Variants in MRPS23 observed in about 807,000 individuals in gnomAD.
MRPS23 encodes the protein mitochondrial ribosomal protein S23.
A neutral mutation model predicts 19.8 loss-of-function variants in MRPS23; 14 were observed. That is an observed-to-expected ratio of 0.71 (90% confidence interval 0.47 to 1.11). The LOEUF (loss-of-function observed/expected upper bound fraction) is 1.11. MRPS23 is among the 50% of genes least tolerant of loss of function. The pLI is 0.00. For missense variants in MRPS23, 242 were observed against 236.7 expected (o/e 1.02, Z -0.15); for synonymous variants, 113 against 89.7 (o/e 1.26, Z -1.47).
At chr17:57,843,375 C>T (rs530153219) in intron 2 of MRPS23, among the ~76,000 whole-genome samples, 1 of 152,146 alleles carries the variant, frequency 6.6e-6, no homozygotes, top group South Asian at 2.1e-4. Context: ...TTTTAATTTG[C>T]TTTTCTTTTT....
intron 4 of MRPS23, 138 bp from the exon 5 acceptor site, chr17:57,840,073 C>T (rs2073731307): frequency 2.9e-6 from 3 of 1,023,396 alleles, no homozygotes; most frequent in Non-Finnish European, 4.3e-6. Flanking sequence ...TCTACTATAA[C>T]AAATAGTAAA....
At position 57,839,665 on chromosome 17, in the gene MRPS23, G is replaced by A; in HGVS notation, c.*118C>T. The A allele has an allele frequency of 7.8e-7, 1 of 1,282,772 alleles. No individual in the cohort carries two copies. Among genetic ancestry groups the A allele is most frequent in the Non-Finnish European group, 1.1e-6 (1 of 952,142 alleles). The allele number at this position is 1,282,772 out of a possible 1,614,324, so 79.5% of individuals were successfully genotyped here. A position where few individuals can be genotyped will look rare whatever the true frequency, so the allele number is the denominator to read the frequency against. Reference sequence around the variant, plus strand: ...GACAACCCAGAAATAACTAAGAGAAGGCAAACATAATACCTTAGAGATCAA... The same window carrying A: ...GACAACCCAGAAATAACTAAGAGAAAGCAAACATAATACCTTAGAGATCAA... On this transcript the variant is annotated 3_prime_UTR_variant, in exon 5 of 5. Coordinates refer to ENST00000313608, the MANE Select transcript of MRPS23 (RefSeq NM_016070.4).
At position 57,836,401 on chromosome 17, in the gene MRPS23, T is replaced by A. The variant is rs569230943; in HGVS notation, c.*3382A>T. On this transcript the variant is annotated 3_prime_UTR_variant, in exon 5 of 5. Transcript: ENST00000313608. Reference sequence around the variant, plus strand: ...GGGTTCAGTAAGGGACTTGATATTATGTATTTTCCGAGCACAGACAGCATT... The same window carrying A: ...GGGTTCAGTAAGGGACTTGATATTAAGTATTTTCCGAGCACAGACAGCATT... 32 of 152,316 alleles carry A rather than the reference T, an allele frequency of 2.1e-4. 1 individual carries two copies. The highest frequency in any genetic ancestry group is 2.0e-3 in the Admixed American group (30 of 15,294). The allele number at this position is 152,316 out of a possible 1,614,324, so 9.4% of individuals were successfully genotyped here.
chr17:57,839,848 C>T lies in MRPS23; in HGVS notation c.508G>A (p.Glu170Lys). 1 of 1,614,150 alleles carries T rather than the reference C, an allele frequency of 6.2e-7. No individual in the cohort carries two copies. Residue 170 changes from glutamate (E) to lysine (K), a missense_variant, in exon 5 of 5, where the codon GAA (glutamate) becomes AAA (lysine). By Grantham distance (56) the Glu-to-Lys change is moderately conservative. Coordinates refer to ENST00000313608, the MANE Select transcript of MRPS23 (RefSeq NM_016070.4). ...TCCAAATGCTGGTCCTGTGGAACTT[C>T]TTTCTGAGTCTCGTTTTCTTCCAAC... ...TALEENETQKEVPQDQHLEAP... is the reference protein window; with the variant it reads ...TALEENETQKKVPQDQHLEAP...
chr17:57,845,707 T>C (rs2073768583), intron 2 of MRPS23, among the ~76,000 whole-genome samples: 1 of 152,200 alleles, frequency 6.6e-6, no homozygotes, highest in South Asian at 2.1e-4. Flanking sequence ...AAAATTCTGA[T>C]GGCCATTCTC....
chr17:57,849,325 G>A lies in MRPS23; in HGVS notation c.130C>T (p.Pro44Ser), dbSNP rs760979783. 1.2e-6 allele frequency: 2 copies of A among 1,614,214 alleles called. No homozygotes were observed. The highest frequency in any genetic ancestry group is 1.1e-5 in the South Asian group (1 of 91,080). The change falls in exon 2 of 5, where the codon CCC (proline) becomes TCC (serine). Residue 44 changes from proline (P) to serine (S), a missense_variant. Coordinates refer to ENST00000313608, the MANE Select transcript of MRPS23 (RefSeq NM_016070.4). ...VYDAFPPLRE[P>S]VFQRPRVRYG... ...CGCACTCGAGGCCTTTGGAAGACGG[G>A]CTCCCTCAGCGGGGGAAAGGCGTCA...
rs1023435720 is a variant in MRPS23 at position 57,836,310 on chromosome 17, A to G, written c.*3473T>C. 1 of 152,368 alleles carries G rather than the reference A, an allele frequency of 6.6e-6. No homozygotes were observed. The highest frequency in any genetic ancestry group is 2.4e-5 in the African/African-American group (1 of 41,580). 9.4% of individuals were successfully genotyped at this position (152,368 alleles called of 1,614,324 possible). On this transcript the variant is annotated 3_prime_UTR_variant, in exon 5 of 5. Coordinates refer to ENST00000313608, the MANE Select transcript of MRPS23 (RefSeq NM_016070.4). Reference sequence around the variant, plus strand: ...GAATGAAGGCCACAGTAAATGAGGCAGGAGTACAAACAGTAGGCCAGGTAG... The same window carrying G: ...GAATGAAGGCCACAGTAAATGAGGCGGGAGTACAAACAGTAGGCCAGGTAG...
chr17:57,848,089 C>A (rs1483728723), intron 2 of MRPS23, among the ~76,000 whole-genome samples: 1 of 152,014 alleles, frequency 6.6e-6, no homozygotes, highest in Non-Finnish European at 1.5e-5. Context: ...TAAACTAAGA[C>A]AACTACTTTT....
Position 57,837,803 on chromosome 17 carries a change from T to G in MRPS23, c.*1980A>C, listed in dbSNP as rs1280159804. 1 of 148,064 alleles carries G rather than the reference T, an allele frequency of 6.8e-6. No homozygotes were observed. Among genetic ancestry groups the G allele is most frequent in the African/African-American group, 2.5e-5 (1 of 39,328 alleles). 9.2% of individuals were successfully genotyped at this position (148,064 alleles called of 1,614,324 possible). On this transcript the variant is annotated 3_prime_UTR_variant, in exon 5 of 5. Coordinates refer to ENST00000313608, the MANE Select transcript of MRPS23 (RefSeq NM_016070.4). Reference sequence around the variant, plus strand: ...CTGGGCAACATAGCAAGACTCCATCTCTACAAAAAAAAACAAACAAAAAAA... The same window carrying G: ...CTGGGCAACATAGCAAGACTCCATCGCTACAAAAAAAAACAAACAAAAAAA...
In MRPS23 at chr17:57,839,051, A is replaced by G. The variant is rs1181091540; in HGVS notation, c.*732T>C. On this transcript the variant is annotated 3_prime_UTR_variant, in exon 5 of 5. Transcript: ENST00000313608. ...TGGATGCTGGTGGAGAGCATCACCT[A>G]AATTAGCTGCCTCCTTTCTTGGCAA... 6.6e-6 allele frequency: 1 copy of G among 152,228 alleles called. No individual in the cohort carries two copies. Among genetic ancestry groups the G allele is most frequent in the Non-Finnish European group, 1.5e-5 (1 of 68,038 alleles). The allele number at this position is 152,228 out of a possible 1,614,324, so 9.4% of individuals were successfully genotyped here.
rs1274583146 is a variant in MRPS23 at position 57,841,011 on chromosome 17, G to A, written c.335C>T (p.Thr112Ile). ...KYTELQKLGE[T>I]DEEKLFVETG... ...TTCCACAAATAACTTCTCTTCATCT[G>A]TTTCTCCAAGTTTCTGTAGCTCAGT... The change falls in exon 4 of 5, where the codon ACA becomes ATA. Residue 112 changes from threonine (T) to isoleucine (I), a missense_variant. Physicochemically the swap from Thr to Ile is moderately conservative, Grantham distance 89. Coordinates refer to ENST00000313608, the MANE Select transcript of MRPS23 (RefSeq NM_016070.4). 4 of 1,614,080 alleles carry A rather than the reference G, an allele frequency of 2.5e-6. No individual in the cohort carries two copies. The highest frequency in any genetic ancestry group is 1.7e-5 in the Admixed American group (1 of 59,996).
In MRPS23 at chr17:57,841,036, T is replaced by C. The variant is rs1344377630; in HGVS notation, c.310A>G (p.Thr104Ala). ...STCQRFVEKY[T>A]ELQKLGETDE... is the part of the protein sequence containing the mutation. ...GTTTCTCCAAGTTTCTGTAGCTCAG[T>C]GTACTTCTCCACAAACCTGTAATTC... Residue 104 changes from threonine (T) to alanine (A), a missense_variant, in exon 4 of 5, where the codon ACT (threonine) becomes GCT (alanine). Coordinates refer to ENST00000313608, the MANE Select transcript of MRPS23 (RefSeq NM_016070.4). The C allele has an allele frequency of 6.2e-7, 1 of 1,614,038 alleles. No individual in the cohort carries two copies. Among genetic ancestry groups the C allele is most frequent in the Non-Finnish European group, 8.5e-7 (1 of 1,180,032 alleles).
chr17:57,847,433 C>G (rs190868156), intron 2 of MRPS23, among the ~76,000 whole-genome samples: 1 of 151,954 alleles, frequency 6.6e-6, no homozygotes, highest in Non-Finnish European at 1.5e-5. Flanking sequence ...GAGGCCGAGG[C>G]AGGCGGATCA....
chr17:57,847,661 C>CG (rs1555653767), intron 2 of MRPS23, among the ~76,000 whole-genome samples: 3 of 41,558 alleles, frequency 7.2e-5, no homozygotes, highest in East Asian at 1.2e-3. Flanking sequence ...GACTCCATCT[C>CG]GAAAAAAAAA....
intron 2 of MRPS23, among the ~76,000 whole-genome samples, chr17:57,847,506 C>CA (rs1399727108): frequency 1.3e-5 from 2 of 150,700 alleles, no homozygotes; most frequent in South Asian, 2.1e-4. Context: ...ACTAAAAATA[C>CA]AAAAAATTAG....
intron 4 of MRPS23, among the ~76,000 whole-genome samples, chr17:57,840,153 T>C (rs893355362): frequency 1.3e-5 from 2 of 152,198 alleles, no homozygotes; most frequent in African/African-American, 4.8e-5. Flanking sequence ...TTTGGGAGGC[T>C]GAGGCGGGCG....
At chr17:57,841,331 A>G in intron 2 of MRPS23, 71 bp from the exon 3 acceptor site, 1 of 1,492,080 alleles carries the variant, frequency 6.7e-7, no homozygotes, top group Admixed American at 1.8e-5. Flanking sequence ...TAAAAGAAAT[A>G]AAGAATAAGT....
rs2073708479 is a variant in MRPS23 at position 57,836,738 on chromosome 17, C to T, written c.*3045G>A. 1 of 150,974 alleles carries T rather than the reference C, an allele frequency of 6.6e-6. No homozygotes were observed. Among genetic ancestry groups the T allele is most frequent in the African/African-American group, 2.4e-5 (1 of 40,930 alleles). 9.4% of individuals were successfully genotyped at this position (150,974 alleles called of 1,614,324 possible). A position where few individuals can be genotyped will look rare whatever the true frequency, so the allele number is the denominator to read the frequency against. ...TCGCCCAAGCTGGAGTGCAGTGGCA[C>T]AATCTCGGCTCAACTGCAGCCTCTG... is the stretch of plus-strand genomic sequence containing the variant. On this transcript the variant is annotated 3_prime_UTR_variant, in exon 5 of 5. Transcript: ENST00000313608.
intron 2 of MRPS23, among the ~76,000 whole-genome samples, chr17:57,846,791 G>T (rs1457323434): frequency 6.6e-6 from 1 of 151,844 alleles, no homozygotes; most frequent in Non-Finnish European, 1.5e-5. Flanking sequence ...AGAACGCAGG[G>T]ACCTCTGCCT....
Sources: gnomAD v4.1 joint callset for allele counts (sites outside exome capture counted in the v4.1 genomes callset) on GRCh38, gnomAD v4.1.1 for gene constraint, MANE v1.5 for transcripts, NCBI Gene and HGNC (gene_info 2026-07-23, HGNC 2026-07-21) for gene names.